Variants in LPP observed in about 807,000 individuals in gnomAD.
The protein encoded by LPP is lipoma-preferred partner.
Under a neutral mutation model 60.4 loss-of-function variants are expected in LPP, and 38 were observed. The ratio of observed to expected loss-of-function variants is 0.63; its 90% confidence interval spans 0.49 to 0.83. LPP has a LOEUF of 0.83. Among genes scored for constraint, LPP ranks in the 40% least tolerant of loss-of-function variants. The probability of loss-of-function intolerance (pLI) is 0.00; values close to 1 mark genes in which losing one functional copy is unlikely to be tolerated. For synonymous variants in LPP, 328 were observed against 290.8 expected, an observed-to-expected ratio of 1.13 and a Z score of -1.30; for missense variants, 902 against 783.6, an observed-to-expected ratio of 1.15 and a Z score of -1.80.
chr3:188,261,637 G>GT (rs1204177978), intron 2 of LPP, among the ~76,000 whole-genome samples: 1 of 152,122 alleles, frequency 6.6e-6, no homozygotes, highest in African/African-American at 2.4e-5. Flanking sequence ...ACCGGACATG[G>GT]TGGCTCATGC....
chr3:188,242,357 T>C (rs1452520792), intron 2 of LPP, among the ~76,000 whole-genome samples: 4 of 151,396 alleles, frequency 2.6e-5, no homozygotes, highest in Admixed American at 2.6e-4. Context: ...CAGGTCTATA[T>C]TGTATTATAA....
chr3:188,609,482 T>TA lies in LPP; in HGVS notation c.752dup (p.Tyr251Ter). Residue 251 changes from tyrosine (Y) to a stop codon, truncating the protein, a stop_gained and frameshift_variant, in exon 7 of 12, where the codon TAT (tyrosine) becomes TAAT (stop). Transcript: ENST00000617246. LOFTEE classifies it high-confidence loss of function. The surrounding 1 kb of genome is among the most constrained non-coding windows in gnomAD (Gnocchi z 6.9). ...AATTTATGGCTCAGGGCCCCAGGGCTATAACACTCAGCCAGTTCCTGTCTC... is the reference window on the plus strand; with the variant it reads ...AATTTATGGCTCAGGGCCCCAGGGCTAATAACACTCAGCCAGTTCCTGTCTC... Reference protein sequence around the residue: ...GQIYGSGPQGYNTQPVPVSGQ... With the variant: ...GQIYGSGPQG The TA allele has an allele frequency of 1.2e-6, 2 of 1,614,198 alleles. No homozygotes were observed. Among genetic ancestry groups the TA allele is most frequent in the Non-Finnish European group, 1.7e-6 (2 of 1,180,026 alleles).
chr3:188,687,952 T>C (rs1861213760), intron 7 of LPP, among the ~76,000 whole-genome samples: 1 of 152,210 alleles, frequency 6.6e-6, no homozygotes, highest in Non-Finnish European at 1.5e-5. Context: ...TTTTTTTGTA[T>C]TTTTAGTAGA....
At chr3:188,870,571 G>A (rs746655906) in intron 10 of LPP, among the ~76,000 whole-genome samples, 9 of 152,130 alleles carry the variant, frequency 5.9e-5, no homozygotes, top group African/African-American at 9.7e-5. Flanking sequence ...GCTGTCAGTA[G>A]AAAATTACGT....
At chr3:188,263,578 C>T (rs557765881) in intron 2 of LPP, among the ~76,000 whole-genome samples, 9 of 152,316 alleles carry the variant, frequency 5.9e-5, no homozygotes, top group Non-Finnish European at 8.8e-5. Context: ...ACACTTTCCC[C>T]GGGAGGTTGC....
chr3:188,722,843 T>C (rs1354970356), intron 8 of LPP, among the ~76,000 whole-genome samples: 1 of 152,224 alleles, frequency 6.6e-6, no homozygotes. Flanking sequence ...TAAGAGGTGT[T>C]AGTATCTCCA....
At chr3:188,524,300 A>C (rs1461141108) in intron 5 of LPP, among the ~76,000 whole-genome samples, 1 of 152,194 alleles carries the variant, frequency 6.6e-6, no homozygotes, top group Non-Finnish European at 1.5e-5. Flanking sequence ...ATATTATTCT[A>C]GGCAGTGGTG....
chr3:188,425,665 G>T (rs778099032), intron 4 of LPP, among the ~76,000 whole-genome samples: 2 of 152,042 alleles, frequency 1.3e-5, no homozygotes, highest in Non-Finnish European at 2.9e-5. Context: ...ATTCTTCCTG[G>T]TTTAGTCTTG....
chr3:188,701,094 T>A (rs551700925), intron 7 of LPP, among the ~76,000 whole-genome samples: 1 of 152,370 alleles, frequency 6.6e-6, no homozygotes, highest in Admixed American at 6.5e-5. Flanking sequence ...TATAATCAAA[T>A]ACCATGAAGT....
rs1342378303 is a variant in LPP at position 188,882,526 on chromosome 3, A to T, written c.*8047A>T. On this transcript the variant is annotated 3_prime_UTR_variant, in exon 12 of 12. Transcript: ENST00000617246. ...ATGGACAGGAAGCAGCCCTCCATGA[A>T]CTTTATTATCACAGAATATGAGCAT... The T allele has an allele frequency of 8.9e-6, 2 of 224,268 alleles. No homozygotes were observed. The highest frequency in any genetic ancestry group is 1.3e-4 in the East Asian group (2 of 15,394). 13.9% of individuals were successfully genotyped at this position (224,268 alleles called of 1,614,324 possible).
chr3:188,564,698 A>G (rs1404431694), intron 6 of LPP, among the ~76,000 whole-genome samples: 2 of 151,942 alleles, frequency 1.3e-5, no homozygotes, highest in Non-Finnish European at 2.9e-5. Context: ...CCAAAAACCC[A>G]TGTCAGCAAC....
intron 3 of LPP, among the ~76,000 whole-genome samples, chr3:188,387,792 C>T (rs1161038559): frequency 6.6e-6 from 1 of 151,962 alleles, no homozygotes; most frequent in Non-Finnish European, 1.5e-5. Context: ...GTCTTGAACT[C>T]CTGATCTGGT....
chr3:188,471,534 G>A (rs969021748), intron 4 of LPP, among the ~76,000 whole-genome samples: 1 of 152,134 alleles, frequency 6.6e-6, no homozygotes, highest in Admixed American at 6.5e-5. Flanking sequence ...AAGGAAAAGG[G>A]TTTTCCACCT....
chr3:188,699,460 G>A (rs1302372600), intron 7 of LPP, among the ~76,000 whole-genome samples: 1 of 152,098 alleles, frequency 6.6e-6, no homozygotes, highest in African/African-American at 2.4e-5. Context: ...GCATTTTATG[G>A]GCATCGATGC....
At chr3:188,614,845 A>G (rs1414603087) in intron 7 of LPP, among the ~76,000 whole-genome samples, 2 of 152,178 alleles carry the variant, frequency 1.3e-5, no homozygotes, top group South Asian at 4.1e-4. Flanking sequence ...GCCTTTGGAT[A>G]AAATCAGCGG....
intron 6 of LPP, among the ~76,000 whole-genome samples, chr3:188,595,532 C>G (rs1839822881): frequency 6.6e-6 from 1 of 152,262 alleles, no homozygotes; most frequent in African/African-American, 2.4e-5. Flanking sequence ...TAATGGTGCT[C>G]TCTTTCAAAA....
intron 9 of LPP, among the ~76,000 whole-genome samples, chr3:188,813,817 C>A (rs1175911844): frequency 6.6e-6 from 1 of 152,138 alleles, no homozygotes; most frequent in East Asian, 1.9e-4. Context: ...TAACTGTAAT[C>A]TCAGCACTTC....
rs141845070 is a variant in LPP, at chr3:188,602,445, G to A, written c.430-6716G>A. Among the ~76,000 whole-genome samples the A allele has an allele frequency of 2.0e-4, 31 of 151,678 alleles. No homozygotes were observed. The East Asian group carries it at 6.0e-3, about 29-fold the overall frequency. The stretch of plus-strand genomic sequence containing the variant: ...ATTTCATTATAACTGAAATAGGTTA[G>A]CTGTGTTTCCATTTTTGCTCATTGT... On this transcript the variant is annotated intron_variant, in intron 6 of 11. Transcript: ENST00000617246.
At chr3:188,225,310 A>G in intron 1 of LPP, 95 bp from the exon 2 acceptor site, 1 of 152,220 alleles carries the variant, frequency 6.6e-6, no homozygotes, top group East Asian at 1.9e-4. Flanking sequence ...ATAGAAGTAA[A>G]CCACGGCCCA....
Sources: gnomAD v4.1 joint callset for allele counts (sites outside exome capture counted in the v4.1 genomes callset) on GRCh38, gnomAD v4.1.1 for gene constraint, Gnocchi (gnomAD v3.1) non-coding constraint, MANE v1.5 for transcripts, NCBI Gene and HGNC (gene_info 2026-07-23, HGNC 2026-07-21) for gene names.